Variants in KAZN observed in about 807,000 individuals in gnomAD.
The protein encoded by KAZN is kazrin.
Under a neutral mutation model 87.4 loss-of-function variants are expected in KAZN, and 40 were observed. The observed-to-expected ratio is 0.46, with a 90% CI of 0.36 to 0.60. The LOEUF (loss-of-function observed/expected upper bound fraction) is 0.60. Among genes scored for constraint, KAZN ranks in the 20% least tolerant of loss-of-function variants. The pLI, the probability that KAZN is intolerant of heterozygous loss-of-function variation, is 0.00. For missense variants in KAZN, 898 were observed against 1,073.9 expected (o/e 0.84, Z 2.29); for synonymous variants, 466 against 458.3 (o/e 1.02, Z -0.22).
chr1:14,086,422 G>T (rs748362360), intron 1 of KAZN, among the ~76,000 whole-genome samples: 6 of 152,046 alleles, frequency 3.9e-5, no homozygotes, highest in Non-Finnish European at 8.8e-5. Flanking sequence ...TCATTATTCA[G>T]CTCCCACTTA....
At chr1:13,995,219 C>CAAAAAAAAAAAAAAAAAAAAAAAAAA (rs113600200) in intron 1 of KAZN, among the ~76,000 whole-genome samples, 1 of 107,388 alleles carries the variant, frequency 9.3e-6, no homozygotes, top group Non-Finnish European at 2.0e-5. Flanking sequence ...TGCAATAAGG[C>CAAAAAAAAAAAAAAAAAAAAAAAAAA]AAAAAAAAAA....
At chr1:14,517,881 A>G (rs1210134575) in intron 2 of KAZN, among the ~76,000 whole-genome samples, 1 of 152,234 alleles carries the variant, frequency 6.6e-6, no homozygotes, top group Non-Finnish European at 1.5e-5. Context: ...GCAGAAGAAT[A>G]TAAGCCATTT....
At chr1:14,051,833 C>T (rs781144774) in intron 1 of KAZN, among the ~76,000 whole-genome samples, 21 of 152,138 alleles carry the variant, frequency 1.4e-4, no homozygotes, top group Non-Finnish European at 2.8e-4. Flanking sequence ...GAGCCAGACC[C>T]TGTCTCAAAA....
upstream of KAZN, among the ~76,000 whole-genome samples, chr1:14,595,695 A>G (rs1005894700): frequency 6.0e-5 from 9 of 149,112 alleles, no homozygotes; most frequent in Non-Finnish European, 1.3e-4. Flanking sequence ...AAAAAAAAAA[A>G]AAAGAAAAAG....
rs182654618 is a variant in KAZN, at chr1:13,937,669, T to G, written c.91+43913T>G. On this transcript the variant is annotated intron_variant, in intron 1 of 16. Transcript: ENST00000636203. ...TTTTTAGAGTTTCAGGTCTTATATTTAAGTCTTTAATCCATCTTGAGTTAA... is the reference window on the plus strand; with the variant it reads ...TTTTTAGAGTTTCAGGTCTTATATTGAAGTCTTTAATCCATCTTGAGTTAA... Among the ~76,000 whole-genome samples the G allele has an allele frequency of 6.8e-4, 104 of 152,340 alleles. 1 individual carries two copies. The highest frequency in any genetic ancestry group is 3.4e-3 in the Middle Eastern group (1 of 294).
intron 1 of KAZN, among the ~76,000 whole-genome samples, chr1:14,704,477 G>A (rs1642101060): frequency 6.6e-6 from 1 of 152,224 alleles, no homozygotes; most frequent in African/African-American, 2.4e-5. Flanking sequence ...TAACCAAAAT[G>A]TGTGCCCAGG....
At chr1:14,954,999 A>G (rs980547391) in intron 1 of KAZN, among the ~76,000 whole-genome samples, 4 of 152,210 alleles carry the variant, frequency 2.6e-5, no homozygotes, top group Admixed American at 6.5e-5. Flanking sequence ...CATACTAAGC[A>G]GTGCAGCTAT....
intron 1 of KAZN, among the ~76,000 whole-genome samples, chr1:14,079,929 A>T (rs1260332855): frequency 6.7e-6 from 1 of 148,866 alleles, no homozygotes; most frequent in Non-Finnish European, 1.5e-5. Flanking sequence ...TTTCAACATG[A>T]CATTTGCAGG....
At chr1:14,629,145 C>A (rs756701981) in intron 1 of KAZN, among the ~76,000 whole-genome samples, 4 of 152,166 alleles carry the variant, frequency 2.6e-5, no homozygotes, top group Admixed American at 6.5e-5. Flanking sequence ...CCATACCCGG[C>A]CTCACATTAA....
intron 2 of KAZN, among the ~76,000 whole-genome samples, chr1:14,978,956 G>A (rs1436758816): frequency 2.0e-5 from 3 of 152,028 alleles, no homozygotes; most frequent in African/African-American, 7.2e-5. Context: ...CCAGGCTGGA[G>A]TGCAATGGCG....
chr1:13,946,480 C>A (rs890525386), intron 1 of KAZN, among the ~76,000 whole-genome samples: 1 of 152,186 alleles, frequency 6.6e-6, no homozygotes, highest in Non-Finnish European at 1.5e-5. Context: ...AGTCTGCCGA[C>A]ACCGTGATCA....
At chr1:14,928,309 C>T (rs955742231) in intron 1 of KAZN, among the ~76,000 whole-genome samples, 14 of 151,954 alleles carry the variant, frequency 9.2e-5, no homozygotes, top group African/African-American at 3.1e-4. Flanking sequence ...ATTAGCCGGG[C>T]GTGTTGGCGG....
At chr1:14,064,550 T>A (rs1374574498) in intron 1 of KAZN, among the ~76,000 whole-genome samples, 1 of 152,144 alleles carries the variant, frequency 6.6e-6, no homozygotes, top group Admixed American at 6.5e-5. Context: ...TGTTTGTTGC[T>A]TTGTTATTGT....
chr1:14,654,481 G>A (rs1234905969), intron 1 of KAZN, among the ~76,000 whole-genome samples: 1 of 151,984 alleles, frequency 6.6e-6, no homozygotes, highest in East Asian at 1.9e-4. Flanking sequence ...TCCTGGGGAG[G>A]AACCAGGAGG....
chr1:14,567,790 T>C (rs1187265237), intron 2 of KAZN, among the ~76,000 whole-genome samples: 1 of 152,182 alleles, frequency 6.6e-6, no homozygotes, highest in Non-Finnish European at 1.5e-5. Context: ...ACTTCCTAGA[T>C]GTCACCTCAT....
Position 14,994,612 on chromosome 1 carries a change from C to T in KAZN, c.418+33737C>T, listed in dbSNP as rs1573008398. Among the ~76,000 whole-genome samples the T allele has an allele frequency of 3.3e-5, 5 of 152,334 alleles. No individual in the cohort carries two copies. The South Asian group carries it at 1.0e-3, about 32-fold the overall frequency. On this transcript the variant is annotated intron_variant, in intron 2 of 14. Transcript: ENST00000376030. ...GGTTTTGCTTTTTCTCTTTTCCTTC[C>T]TCTTGGGCTGTGGACCATCACTTAT...
At chr1:14,327,498 G>T (rs1387798433) in intron 2 of KAZN, among the ~76,000 whole-genome samples, 2 of 152,182 alleles carry the variant, frequency 1.3e-5, no homozygotes, top group Admixed American at 6.5e-5. Flanking sequence ...CTCCCTTGGA[G>T]CTAAGCTCTG....
chr1:15,034,103 G>C (rs1200429349), intron 2 of KAZN, among the ~76,000 whole-genome samples: 1 of 152,158 alleles, frequency 6.6e-6, no homozygotes, highest in Admixed American at 6.5e-5. Context: ...GTATATTCCA[G>C]ATAGAAGCCG....
At chr1:13,978,129 C>CAAAAA (rs35828417) in intron 1 of KAZN, among the ~76,000 whole-genome samples, 31 of 81,958 alleles carry the variant, frequency 3.8e-4, no homozygotes, top group Admixed American at 1.3e-3. Flanking sequence ...CTCCATCTCA[C>CAAAAA]AAAAAAAAAA....
Sources: gnomAD v4.1 joint callset for allele counts (sites outside exome capture counted in the v4.1 genomes callset) on GRCh38, gnomAD v4.1.1 for gene constraint, MANE v1.5 for transcripts, NCBI Gene and HGNC (gene_info 2026-07-23, HGNC 2026-07-21) for gene names.